MPPED1: variants seen among roughly 807,000 people sequenced by gnomAD.
The protein encoded by MPPED1 is metallophosphoesterase domain containing 1, also known as metallophosphoesterase domain-containing protein 1.
MPPED1 carries 16 observed loss-of-function variants against 36.2 expected under a neutral mutation model. The ratio of observed to expected loss-of-function variants is 0.44; its 90% CI spans 0.30 to 0.67. The LOEUF (loss-of-function observed/expected upper bound fraction) is 0.67. Ranked by LOEUF, MPPED1 falls within the 30% of genes least tolerant of loss-of-function variation. The probability of loss-of-function intolerance (pLI) is 0.10; values close to 1 mark genes in which losing one functional copy is unlikely to be tolerated. For missense variants in MPPED1, 307 were observed against 453.4 expected, an observed-to-expected ratio of 0.68 and a Z score of 2.93; for synonymous variants, 199 against 191.3, an observed-to-expected ratio of 1.04 and a Z score of -0.33.
intron 3 of MPPED1, among the ~76,000 whole-genome samples, chr22:43,473,542 G>C (rs138768329): frequency 0.01 from 1,564 of 152,302 alleles, 14 homozygotes; most frequent in Middle Eastern, 0.017. Context: ...CAGGAGAAAG[G>C]CTTGGGTCTC....
At chr22:43,441,594 G>A (rs1408665320) in intron 3 of MPPED1, among the ~76,000 whole-genome samples, 1 of 152,230 alleles carries the variant, frequency 6.6e-6, no homozygotes, top group African/African-American at 2.4e-5. Context: ...GACTCAGGCA[G>A]GGGAGGAAGA....
rs542714485 is a variant in MPPED1 at position 43,456,047 on chromosome 22, G to C, written c.407-18689G>C. On this transcript the variant is annotated intron_variant, in intron 3 of 6. Transcript: ENST00000443721. ...TTGTGGTGGCTGTTGGCAACCTTTG[G>C]CTTCCTTGATTTGTGGCCACAAGAT... Among the ~76,000 whole-genome samples the C allele has an allele frequency of 2.0e-5, 3 of 152,230 alleles. No homozygotes were observed. In the South Asian group the frequency reaches 6.3e-4, roughly 32 times the overall value.
rs79296006 is a variant in MPPED1 at position 43,445,106 on chromosome 22, C to T, written c.406+9891C>T. ...CTGATTATTGGGAGATGTGCCAGCTCCTCTGATGGGTCCTCTGTAGCATGT... is the reference window on the plus strand; with the variant it reads ...CTGATTATTGGGAGATGTGCCAGCTTCTCTGATGGGTCCTCTGTAGCATGT... On this transcript the variant is annotated intron_variant, in intron 3 of 6. Coordinates refer to ENST00000443721, the MANE Select transcript of MPPED1 (RefSeq NM_001044370.2). 2.6e-3 allele frequency among the ~76,000 whole-genome samples: 390 copies of T among 152,240 alleles called. No individual in the cohort carries two copies. The Middle Eastern group carries it at 0.031, about 12-fold the overall frequency.
rs190501662 is a variant in MPPED1 at position 43,466,927 on chromosome 22, G to A, written c.407-7809G>A. On this transcript the variant is annotated intron_variant, in intron 3 of 6. Transcript: ENST00000443721. ...CCAGGCATGGTGGAGCGTGGCTTGC[G>A]TTTTTAGAGAACTGTGAGTGTAAGC... Among the ~76,000 whole-genome samples, 5 of 152,276 alleles carry A rather than the reference G, an allele frequency of 3.3e-5. No homozygotes were observed. The East Asian group carries it at 5.8e-4, about 18-fold the overall frequency.
chr22:43,461,296 C>T (rs1253014033), intron 3 of MPPED1, among the ~76,000 whole-genome samples: 1 of 152,144 alleles, frequency 6.6e-6, no homozygotes, highest in Non-Finnish European at 1.5e-5. Context: ...CCTGTGACTG[C>T]TAGGCTGGTA....
At chr22:43,478,182 C>A (rs1197770935) in intron 4 of MPPED1, among the ~76,000 whole-genome samples, 2 of 152,216 alleles carry the variant, frequency 1.3e-5, no homozygotes, top group Admixed American at 6.5e-5. Flanking sequence ...AGGGCGGAGG[C>A]CATTCAGTGG....
intron 3 of MPPED1, among the ~76,000 whole-genome samples, chr22:43,448,940 G>A (rs1930460670): frequency 6.6e-6 from 1 of 151,954 alleles, no homozygotes. Flanking sequence ...TTTTGTATAT[G>A]GGAACTACTC....
chr22:43,463,393 G>T (rs1419787066), intron 3 of MPPED1, among the ~76,000 whole-genome samples: 1 of 148,234 alleles, frequency 6.7e-6, no homozygotes, highest in African/African-American at 2.5e-5. Context: ...GTGCAGTGGT[G>T]CAGTCACAGC....
chr22:43,431,019 TA>T (rs1929660292), intron 2 of MPPED1, among the ~76,000 whole-genome samples: 1 of 121,822 alleles, frequency 8.2e-6, no homozygotes, highest in Non-Finnish European at 1.7e-5. Context: ...CTGTTGTTGT[TA>T]ATTTTTTTTT....
intron 3 of MPPED1, among the ~76,000 whole-genome samples, chr22:43,436,243 C>T (rs1433959125): frequency 6.6e-6 from 1 of 152,242 alleles, no homozygotes; most frequent in African/African-American, 2.4e-5. Flanking sequence ...CTGTGCAGCC[C>T]AGCACCCAGG....
intron 6 of MPPED1, among the ~76,000 whole-genome samples, chr22:43,503,386 A>T (rs1932765981): frequency 6.6e-6 from 1 of 152,094 alleles, no homozygotes; most frequent in Non-Finnish European, 1.5e-5. Flanking sequence ...CCACCTGCCC[A>T]AGGCCTCTCT....
chr22:43,417,425 T>G (rs1601942016), intron 1 of MPPED1, among the ~76,000 whole-genome samples: 1 of 151,306 alleles, frequency 6.6e-6, no homozygotes, highest in East Asian at 1.9e-4. Flanking sequence ...GGTATTTGCT[T>G]CTTTTCCTTT....
At chr22:43,458,571 AC>A (rs1277248681) in intron 3 of MPPED1, among the ~76,000 whole-genome samples, 1 of 152,138 alleles carries the variant, frequency 6.6e-6, no homozygotes, top group African/African-American at 2.4e-5. Context: ...GGCATGAACC[AC>A]CGCGCCTGGC....
chr22:43,499,388 T>A (rs1429707140), intron 5 of MPPED1, among the ~76,000 whole-genome samples: 2 of 116,942 alleles, frequency 1.7e-5, no homozygotes, highest in East Asian at 6.1e-4. Context: ...ATGGGGGTGG[T>A]GATGGATGTG....
At chr22:43,496,149 A>T (rs867576365) in intron 4 of MPPED1, among the ~76,000 whole-genome samples, 7 of 27,630 alleles carry the variant, frequency 2.5e-4, no homozygotes, top group South Asian at 1.5e-3. Flanking sequence ...GTGATGGTGG[A>T]GGTGGTGGTG....
chr22:43,442,611 G>T (rs1930189367), intron 3 of MPPED1, among the ~76,000 whole-genome samples: 1 of 152,194 alleles, frequency 6.6e-6, no homozygotes, highest in Non-Finnish European at 1.5e-5. Flanking sequence ...GCCAAGCTCT[G>T]CAGGGGCAGT....
At chr22:43,466,157 C>T (rs1382717513) in intron 3 of MPPED1, among the ~76,000 whole-genome samples, 2 of 152,194 alleles carry the variant, frequency 1.3e-5, no homozygotes, top group African/African-American at 2.4e-5. Context: ...AACATTTTGG[C>T]TATTAGGATG....
At position 43,468,907 on chromosome 22, in the gene MPPED1, T is replaced by C. The variant is rs538523784; in HGVS notation, c.407-5829T>C. ...GGGGAGGTGGATGAGAAAAGGCATTTGGACCCATTTGTGCCCTTGCTGAGA... is the reference window on the plus strand; with the variant it reads ...GGGGAGGTGGATGAGAAAAGGCATTCGGACCCATTTGTGCCCTTGCTGAGA... On this transcript the variant is annotated intron_variant, in intron 3 of 6. Transcript: ENST00000443721. Among the ~76,000 whole-genome samples, 6 of 152,260 alleles carry C rather than the reference T, an allele frequency of 3.9e-5. No homozygotes were observed. The South Asian group carries it at 1.2e-3, about 32-fold the overall frequency.
chr22:43,424,985 C>T lies in MPPED1; in HGVS notation c.-1C>T. On this transcript the variant is annotated 5_prime_UTR_variant, in exon 2 of 7. Coordinates refer to ENST00000443721, the MANE Select transcript of MPPED1 (RefSeq NM_001044370.2). ...GATGCCGGGGCGGCCGGCGGAGGTCCATGTGGCGCTCTAGGTGGGATGCCA... is the reference window on the plus strand; with the variant it reads ...GATGCCGGGGCGGCCGGCGGAGGTCTATGTGGCGCTCTAGGTGGGATGCCA... The T allele has an allele frequency of 6.3e-7, 1 of 1,590,184 alleles. No individual in the cohort carries two copies. Among genetic ancestry groups the T allele is most frequent in the Non-Finnish European group, 8.5e-7 (1 of 1,169,646 alleles).
Sources: allele counts gnomAD v4.1 joint callset (sites outside exome capture counted in the v4.1 genomes callset), GRCh38; gene constraint gnomAD v4.1.1; transcripts MANE v1.5; gene names NCBI Gene and HGNC (gene_info 2026-07-23, HGNC 2026-07-21).